Variants in GPS1 observed in about 807,000 individuals in gnomAD.
GPS1 encodes the protein COP9 signalosome complex subunit 1.
GPS1 carries 11 observed loss-of-function variants against 60.0 expected under a neutral mutation model. The observed-to-expected ratio is 0.18, with a 90% CI of 0.12 to 0.30. GPS1 has a LOEUF of 0.30. Among genes scored for constraint, GPS1 ranks in the 10% least tolerant of loss-of-function variants. GPS1 has a pLI of 1.00. For synonymous variants in GPS1, 343 were observed against 269.8 expected, an observed-to-expected ratio of 1.27 and a Z score of -2.66; for missense variants, 543 against 669.2, an observed-to-expected ratio of 0.81 and a Z score of 2.08.
chr17:82,055,249 A>T (rs1245984006), intron 6 of GPS1, 27 bp downstream of exon 6: 1 of 1,550,146 alleles, frequency 6.5e-7, no homozygotes, highest in Non-Finnish European at 8.7e-7. Flanking sequence ...CGCCCAGCTG[A>T]CCCCACGTTC....
rs750893372 is a variant in GPS1, at chr17:82,054,669, C to T, written c.468C>T (p.Ser156=). The change falls in exon 4 of 13, where the codon AGC becomes AGT. Residue 156 remains serine, a synonymous_variant. Transcript: ENST00000578552. ...KNYKGNSIKE[S]IRRGHDDLGD... ...ACAAGGGCAACTCCATCAAAGAGAGCATCCGGCGCGGCCACGACGACCTGG... is the reference window on the plus strand; with the variant it reads ...ACAAGGGCAACTCCATCAAAGAGAGTATCCGGCGCGGCCACGACGACCTGG... The T allele has an allele frequency of 1.2e-6, 2 of 1,611,242 alleles. No individual in the cohort carries two copies.
At chr17:82,056,577 C>A in intron 10 of GPS1, 27 bp downstream of exon 10, 1 of 1,612,590 alleles carries the variant, frequency 6.2e-7, no homozygotes, top group Non-Finnish European at 8.5e-7. Flanking sequence ...GGCTGGCACA[C>A]GGCAGGCGGG....
chr17:82,051,624 G>T, upstream of GPS1: 2 of 1,175,990 alleles, frequency 1.7e-6, no homozygotes, highest in Non-Finnish European at 2.1e-6. This position sits in a 1 kb window ranked among gnomAD's most constrained non-coding sequence, Gnocchi z 4.1. Flanking sequence ...AGCGGGCCGG[G>T]ACGGGGGCGC....
chr17:82,052,825 G>C (rs1381276064), intron 1 of GPS1: 1 of 313,386 alleles, frequency 3.2e-6, no homozygotes, highest in Non-Finnish European at 6.1e-6. Flanking sequence ...GCCCAGTATT[G>C]CTGCTCCGCT....
chr17:82,051,027 G>A (rs2030469328), upstream of GPS1: 32 of 1,396,082 alleles, frequency 2.3e-5, no homozygotes, highest in Middle Eastern at 2.7e-4. The surrounding 1 kb of genome is among the most constrained non-coding windows in gnomAD (Gnocchi z 4.1). Flanking sequence ...CTGGAAGGGC[G>A]GATTCCCTGC....
At chr17:82,056,805 T>C (rs200138259) in intron 11 of GPS1, 35 bp from the exon 12 acceptor site, 2 of 1,607,308 alleles carry the variant, frequency 1.2e-6, no homozygotes, top group Non-Finnish European at 1.7e-6. Context: ...CAGCTGGGGG[T>C]GAGCCTGGGC....
chr17:82,054,971 C>A lies in GPS1; in HGVS notation c.683C>A (p.Ala228Asp), dbSNP rs749265087. ...VSKAESTPEI[A>D]EQRGERDSQT... ...AAGGCTGAGTCCACCCCAGAGATTG[C>A]CGAGGTACGGGCCACCTCCTCAGAG... is the stretch of plus-strand genomic sequence containing the variant. The change falls in exon 5 of 13, where the codon GCC becomes GAC. Residue 228 changes from alanine (A) to aspartate (D), a missense_variant. Transcript: ENST00000578552. 1.2e-6 allele frequency: 2 copies of A among 1,612,994 alleles called. No homozygotes were observed.
upstream of GPS1, chr17:82,051,868 C>T (rs1432690939): frequency 4.3e-6 from 5 of 1,153,998 alleles, no homozygotes; most frequent in African/African-American, 1.6e-5. This position sits in a 1 kb window ranked among gnomAD's most constrained non-coding sequence, Gnocchi z 4.1. Context: ...CCGCCCCGCG[C>T]CCCGGAAGCG....
At chr17:82,051,546 C>A, upstream of GPS1, 1 of 1,398,212 alleles carries the variant, frequency 7.2e-7, no homozygotes, top group Non-Finnish European at 9.3e-7. The surrounding 1 kb of genome is among the most constrained non-coding windows in gnomAD (Gnocchi z 4.1). Flanking sequence ...CAGCCGCAGG[C>A]GCGGCCCGTG....
chr17:82,055,129 C>T, intron 5 of GPS1, 33 bp from the exon 6 acceptor site: 2 of 1,563,108 alleles, frequency 1.3e-6, no homozygotes, highest in Non-Finnish European at 1.7e-6. Flanking sequence ...AAATGTGGAG[C>T]ATGGGCCTCA....
chr17:82,054,367 C>T, intron 3 of GPS1, 143 bp from the exon 4 acceptor site: 1 of 1,115,028 alleles, frequency 9.0e-7, no homozygotes, highest in Non-Finnish European at 1.2e-6. Context: ...AGACTGGTCC[C>T]TAGAGGTGGG....
intron 1 of GPS1, chr17:82,052,249 C>T (rs2030911069): frequency 6.2e-7 from 1 of 1,608,866 alleles, no homozygotes; most frequent in Non-Finnish European, 8.5e-7. Flanking sequence ...GCTCTTTCTC[C>T]CTTCAGCAGC....
At chr17:82,052,211 A>G in intron 1 of GPS1, 3 of 1,404,822 alleles carry the variant, frequency 2.1e-6, no homozygotes, top group Non-Finnish European at 2.9e-6. Flanking sequence ...AGCTCACGGG[A>G]GAGGTTCCCG....
chr17:82,050,986 A>G, upstream of GPS1: 2 of 1,424,268 alleles, frequency 1.4e-6, no homozygotes, highest in Non-Finnish European at 1.8e-6. Flanking sequence ...TTGAGTGGAA[A>G]CAGGACGGAG....
upstream of GPS1, chr17:82,051,860 G>T (rs1237279394): frequency 8.7e-7 from 1 of 1,150,514 alleles, no homozygotes; most frequent in Non-Finnish European, 1.1e-6. This position sits in a 1 kb window ranked among gnomAD's most constrained non-coding sequence, Gnocchi z 4.1. Context: ...GCCCCGCCCC[G>T]CCCCGCGCCC....
Position 82,055,756 on chromosome 17 carries a change from C to T in GPS1, c.765C>T (p.Ala255=), listed in dbSNP as rs754143377. Residue 255 remains alanine (A), a synonymous_variant, in exon 7 of 13, where the codon GCC becomes GCT. Transcript: ENST00000578552. ...LKCAAGLAEL[A]ARKYKQAAKC... ...TTCCACTAGGCTTGGCAGAGCTGGC[C>T]GCCAGGAAGTACAAGCAGGCTGCCA... The T allele has an allele frequency of 2.9e-5, 45 of 1,555,826 alleles. No individual in the cohort carries two copies. The highest frequency in any genetic ancestry group is 3.7e-5 in the Non-Finnish European group (42 of 1,149,988).
chr17:82,052,315 TAGCTCGGCCCCC>T (rs775358337), intron 1 of GPS1: 6 of 1,612,938 alleles, frequency 3.7e-6, no homozygotes, highest in Admixed American at 1.7e-5. Flanking sequence ...GAATGAGGGA[TAGCTCGGCCCCC>T]AGCTCGGCCT....
In GPS1 at chr17:82,056,319, G is replaced by T; in HGVS notation, c.963G>T (p.Gln321His). The change falls in exon 9 of 13, where the codon CAG becomes CAT. Residue 321 changes from glutamine to histidine, a missense_variant. Gln to His is a conservative substitution (Grantham distance 24). This residue lies in a region of GPS1 where 291 missense variants were observed against 353.7 expected (regional missense o/e 0.82). Transcript: ENST00000578552. ...AGTTGTTCTTGGAGCTGGAGCCACA[G>T]GTCCGAGACATCATCTTCAAATTCT... Reference protein sequence around the residue: ...SFKLFLELEPQVRDIIFKFYE... With the variant: ...SFKLFLELEPHVRDIIFKFYE... The T allele has an allele frequency of 3.7e-6, 6 of 1,613,222 alleles. No homozygotes were observed. Among genetic ancestry groups the T allele is most frequent in the Non-Finnish European group, 5.1e-6 (6 of 1,179,798 alleles).
Position 82,052,523 on chromosome 17 carries a change from T to A in GPS1, c.33+559T>A. On this transcript the variant is annotated intron_variant, in intron 1 of 12. Coordinates refer to ENST00000578552, the MANE Select transcript of GPS1 (RefSeq NM_001321092.3). ...GGAGCAGGGCCCCGGCCGCCCCTGC[T>A]GTGGCTGGGCCCCTGCTGCTCTGCT... The A allele has an allele frequency of 1.9e-6, 3 of 1,553,956 alleles. No individual in the cohort carries two copies. In the South Asian group the frequency reaches 3.5e-5, roughly 18 times the overall value.
Sources: allele counts gnomAD v4.1 joint callset, GRCh38; gene constraint gnomAD v4.1.1; regional missense constraint gnomAD v4.1.1; non-coding constraint Gnocchi (gnomAD v3.1); transcripts MANE v1.5; gene names NCBI Gene and HGNC (gene_info 2026-07-23, HGNC 2026-07-21).